Variants in SNX31 observed in about 807,000 individuals in gnomAD.
SNX31 encodes sorting nexin-31.
Under a neutral mutation model 65.4 loss-of-function variants are expected in SNX31, and 58 were observed. The observed-to-expected ratio is 0.89, with a 90% CI of 0.72 to 1.10. SNX31 has a LOEUF of 1.10. Among genes scored for constraint, SNX31 ranks in the 50% least tolerant of loss-of-function variants. SNX31 has a pLI of 0.00. For missense variants in SNX31, 523 were observed against 529.7 expected, an observed-to-expected ratio of 0.99 and a Z score of 0.12; for synonymous variants, 181 against 190.1, an observed-to-expected ratio of 0.95 and a Z score of 0.39.
chr8:100,584,861 C>T (rs1021943975), intron 11 of SNX31, among the ~76,000 whole-genome samples: 19 of 151,320 alleles, frequency 1.3e-4, no homozygotes, highest in Middle Eastern at 3.2e-3. Context: ...GCGATTCTCC[C>T]GCTTCAGCAC....
chr8:100,628,606 G>T (rs1047510285), intron 4 of SNX31, among the ~76,000 whole-genome samples: 4 of 152,028 alleles, frequency 2.6e-5, no homozygotes, highest in African/African-American at 9.6e-5. Context: ...GGGGGGAAGG[G>T]GGAGGGATAG....
upstream of SNX31, among the ~76,000 whole-genome samples, chr8:100,652,225 G>A (rs1243852551): frequency 2.0e-5 from 3 of 152,160 alleles, no homozygotes; most frequent in Admixed American, 2.0e-4. Flanking sequence ...TGATCTACCC[G>A]CCTCGGCCTC....
intron 9 of SNX31, among the ~76,000 whole-genome samples, chr8:100,598,212 G>T (rs1382543950): frequency 6.6e-6 from 1 of 152,140 alleles, no homozygotes. Flanking sequence ...TATGGTCCAG[G>T]CTTCAGCTTG....
intron 8 of SNX31, among the ~76,000 whole-genome samples, chr8:100,602,928 G>A (rs1205490770): frequency 6.6e-6 from 1 of 152,200 alleles, no homozygotes; most frequent in Non-Finnish European, 1.5e-5. Flanking sequence ...CCAAGAATAA[G>A]GGGGGCCTAC....
At position 100,613,873 on chromosome 8, in the gene SNX31, G is replaced by A. The variant is rs1029789173; in HGVS notation, c.433-788C>T. 1.3e-5 allele frequency among the ~76,000 whole-genome samples: 2 copies of A among 152,074 alleles called. No homozygotes were observed. Among genetic ancestry groups the A allele is most frequent in the South Asian group, 2.1e-4 (1 of 4,814 alleles). On this transcript the variant is annotated intron_variant, in intron 5 of 13. Transcript: ENST00000311812. This position sits in a 1 kb window ranked among gnomAD's most constrained non-coding sequence, Gnocchi z 5.2. Reference sequence around the variant, plus strand: ...AGCCCCTATTTAACACTGGGCTCTCGAGTAATTTCTTTATACTCCTGGTCT... The same window carrying A: ...AGCCCCTATTTAACACTGGGCTCTCAAGTAATTTCTTTATACTCCTGGTCT...
chr8:100,577,537 A>T (rs1813148643), intron 12 of SNX31, among the ~76,000 whole-genome samples: 1 of 152,258 alleles, frequency 6.6e-6, no homozygotes, highest in South Asian at 2.1e-4. Flanking sequence ...CCAATATACC[A>T]GCAGGAAACA....
At position 100,573,838 on chromosome 8, in the gene SNX31, G is replaced by A. The variant is rs1329702292; in HGVS notation, c.*27C>T. Reference sequence around the variant, plus strand: ...TTCACTGTCTTGAGATAGCCTCCAAGGATATTTTAAAATATGAGAGCTTTC... The same window carrying A: ...TTCACTGTCTTGAGATAGCCTCCAAAGATATTTTAAAATATGAGAGCTTTC... On this transcript the variant is annotated 3_prime_UTR_variant, in exon 14 of 14. Transcript: ENST00000311812. 3.4e-6 allele frequency: 5 copies of A among 1,485,464 alleles called. No homozygotes were observed. Among genetic ancestry groups the A allele is most frequent in the Admixed American group, 2.0e-5 (1 of 50,488 alleles). 92.0% of individuals were successfully genotyped at this position (1,485,464 alleles called of 1,614,324 possible). A position where few individuals can be genotyped will look rare whatever the true frequency, so the allele number is the denominator to read the frequency against.
chr8:100,641,545 CA>C (rs1173913088), intron 2 of SNX31, among the ~76,000 whole-genome samples: 28 of 10,256 alleles, frequency 2.7e-3, no homozygotes, highest in East Asian at 5.7e-3. Context: ...GACCTTGTCT[CA>C]AAAAAAAAAA....
At chr8:100,635,815 G>C (rs1818729270) in intron 3 of SNX31, 82 bp downstream of exon 3, 2 of 866,696 alleles carry the variant, frequency 2.3e-6, no homozygotes, top group Admixed American at 4.1e-5. Context: ...TAAAAGAATT[G>C]TACACTTTAG....
chr8:100,642,196 C>A (rs1013189697), intron 2 of SNX31, among the ~76,000 whole-genome samples: 4 of 152,356 alleles, frequency 2.6e-5, no homozygotes, highest in African/African-American at 9.6e-5. Flanking sequence ...TTATCCCAGG[C>A]AGGGCTGCTG....
At chr8:100,628,753 T>G (rs1487543922) in intron 4 of SNX31, among the ~76,000 whole-genome samples, 1 of 152,034 alleles carries the variant, frequency 6.6e-6, no homozygotes, top group African/African-American at 2.4e-5. Flanking sequence ...TAATAAAATT[T>G]TTTTAAAAAA....
At chr8:100,628,816 GT>G (rs1818230600) in intron 4 of SNX31, among the ~76,000 whole-genome samples, 2 of 84,008 alleles carry the variant, frequency 2.4e-5, no homozygotes, top group African/African-American at 5.3e-5. Flanking sequence ...TAAAATGGGT[GT>G]GTGTGTGTGT....
chr8:100,661,650 T>TC (rs58383977), intron 1 of SNX31, among the ~76,000 whole-genome samples: 26,126 of 151,748 alleles, frequency 0.17, 2,481 homozygotes, highest in Non-Finnish European at 0.21. Flanking sequence ...CACCTCGGCC[T>TC]CCCAAGGAGC....
At chr8:100,650,070 C>T (rs570425640), upstream of SNX31, among the ~76,000 whole-genome samples, 2 of 152,172 alleles carry the variant, frequency 1.3e-5, no homozygotes, top group Admixed American at 1.3e-4. Context: ...GAAGCCCCCC[C>T]CAAATGGAAA....
In SNX31 at chr8:100,612,592, A is replaced by G. The variant is rs553955612; in HGVS notation, c.523+403T>C. On this transcript the variant is annotated intron_variant, in intron 6 of 13. Transcript: ENST00000311812. The surrounding 1 kb of genome is among the most constrained non-coding windows in gnomAD (Gnocchi z 4.3). ...CTCATTACACTTGAAAAAAGAATCT[A>G]ATAACTCATTGATACCATCCACAAA... Among the ~76,000 whole-genome samples, 7 of 152,232 alleles carry G rather than the reference A, an allele frequency of 4.6e-5. No individual in the cohort carries two copies. The highest frequency in any genetic ancestry group is 8.8e-5 in the Non-Finnish European group (6 of 68,038).
intron 1 of SNX31, among the ~76,000 whole-genome samples, chr8:100,661,514 T>A (rs764684199): frequency 1.7e-4 from 26 of 152,044 alleles, no homozygotes; most frequent in Non-Finnish European, 3.7e-4. Flanking sequence ...TTAAAAAGAA[T>A]GAGGTTAGTG....
chr8:100,620,436 A>T (rs1166519766), intron 4 of SNX31, among the ~76,000 whole-genome samples: 1 of 152,176 alleles, frequency 6.6e-6, no homozygotes, highest in Non-Finnish European at 1.5e-5. Flanking sequence ...TCAAAGGGCA[A>T]GTTTTGACTT....
intron 13 of SNX31, 40 bp from the exon 14 acceptor site, chr8:100,574,000 G>A: frequency 8.5e-7 from 1 of 1,182,434 alleles, no homozygotes; most frequent in South Asian, 1.5e-5. Flanking sequence ...TAAATGAAAG[G>A]AAATCATTTC....
At chr8:100,605,510 A>G (rs1283074175) in intron 8 of SNX31, among the ~76,000 whole-genome samples, 1 of 152,204 alleles carries the variant, frequency 6.6e-6, no homozygotes, top group Admixed American at 6.5e-5. Flanking sequence ...GCAATGAGCT[A>G]AGGTTTGTAT....
Sources: allele counts gnomAD v4.1 joint callset (sites outside exome capture counted in the v4.1 genomes callset), GRCh38; gene constraint gnomAD v4.1.1; non-coding constraint Gnocchi (gnomAD v3.1); transcripts MANE v1.5; gene names NCBI Gene and HGNC (gene_info 2026-07-23, HGNC 2026-07-21).